SLC10A2: variants seen among roughly 807,000 people sequenced by gnomAD.
SLC10A2 encodes the protein ileal sodium/bile acid cotransporter.
SLC10A2 carries 34 observed loss-of-function variants against 27.1 expected under a neutral mutation model. The ratio of observed to expected loss-of-function variants is 1.26; its 90% CI spans 0.96 to 1.67. SLC10A2 has a LOEUF of 1.67. SLC10A2 is among the 40% of genes most tolerant of loss of function. The pLI is 0.00. For synonymous variants in SLC10A2, 205 were observed against 174.0 expected (o/e 1.18, Z -1.40); for missense variants, 530 against 444.4 (o/e 1.19, Z -1.73).
intron 2 of SLC10A2, among the ~76,000 whole-genome samples, chr13:103,053,400 C>T (rs932464941): frequency 3.9e-5 from 6 of 152,272 alleles, no homozygotes; most frequent in African/African-American, 1.4e-4. Context: ...TTTGCAGTAA[C>T]ATGCTCACCT....
chr13:103,064,484 C>T (rs1428859833), intron 1 of SLC10A2, among the ~76,000 whole-genome samples: 3 of 152,146 alleles, frequency 2.0e-5, no homozygotes, highest in South Asian at 4.2e-4. Flanking sequence ...TGTGGTATTA[C>T]ATTGAGGTAC....
intron 1 of SLC10A2, among the ~76,000 whole-genome samples, chr13:103,065,147 A>G (rs182805938): frequency 6.6e-6 from 1 of 152,220 alleles, no homozygotes; most frequent in African/African-American, 2.4e-5. Context: ...TAGTCACATT[A>G]ATGCTTCATC....
intron 1 of SLC10A2, among the ~76,000 whole-genome samples, chr13:103,063,851 TAA>T (rs1262770454): frequency 6.6e-6 from 1 of 152,104 alleles, no homozygotes; most frequent in East Asian, 1.9e-4. Context: ...AATTGATAAT[TAA>T]GAGAGAATAT....
chr13:103,061,334 C>CT (rs539176016), intron 1 of SLC10A2, among the ~76,000 whole-genome samples: 18 of 150,992 alleles, frequency 1.2e-4, no homozygotes, highest in South Asian at 4.2e-4. Context: ...TCAGTGTTCT[C>CT]TTTTTTTTTA....
intron 2 of SLC10A2, among the ~76,000 whole-genome samples, chr13:103,056,141 C>T (rs1473880902): frequency 6.6e-6 from 1 of 152,190 alleles, no homozygotes; most frequent in Non-Finnish European, 1.5e-5. Context: ...CACCATTGTG[C>T]CATCTGTGAG....
chr13:103,049,922 C>T (rs1875724990), intron 4 of SLC10A2, among the ~76,000 whole-genome samples: 1 of 152,150 alleles, frequency 6.6e-6, no homozygotes, highest in Non-Finnish European at 1.5e-5. Flanking sequence ...GGGAGGATTT[C>T]TTGAGCCCAG....
intron 1 of SLC10A2, among the ~76,000 whole-genome samples, chr13:103,059,108 C>T (rs537451377): frequency 2.6e-5 from 4 of 152,184 alleles, no homozygotes; most frequent in Admixed American, 6.5e-5. Context: ...TCTGTAACCT[C>T]GCCAGCATCT....
intron 1 of SLC10A2, among the ~76,000 whole-genome samples, chr13:103,061,238 T>A (rs1876110333): frequency 6.6e-6 from 1 of 152,226 alleles, no homozygotes. Context: ...ACAAGTTAAT[T>A]TGTTATTAAT....
intron 2 of SLC10A2, among the ~76,000 whole-genome samples, chr13:103,056,077 G>A (rs1875928084): frequency 6.6e-6 from 1 of 152,242 alleles, no homozygotes; most frequent in Non-Finnish European, 1.5e-5. Context: ...CAGTAGCAGG[G>A]ACAAGCTGCA....
In SLC10A2 at chr13:103,046,110, C is replaced by T. The variant is rs776277057; in HGVS notation, c.*23G>A. 18 of 1,612,966 alleles carry T rather than the reference C, an allele frequency of 1.1e-5. No homozygotes were observed. Among genetic ancestry groups the T allele is most frequent in the Non-Finnish European group, 1.4e-5 (17 of 1,179,182 alleles). On this transcript the variant is annotated 3_prime_UTR_variant, in exon 6 of 6. Transcript: ENST00000245312. ...CGGTTTAAGAACGTAATTTGGAACT[C>T]GTCTGTTTTGTCCACTTGATGTCTA...
chr13:103,066,221 T>C lies in SLC10A2; in HGVS notation c.29A>G (p.Asn10Ser). Residue 10 changes from asparagine to serine, a missense_variant, in exon 1 of 6, where the codon AAT becomes AGT. Asn to Ser is a conservative substitution (Grantham distance 46). Coordinates refer to ENST00000245312, the MANE Select transcript of SLC10A2 (RefSeq NM_000452.3). The stretch of plus-strand genomic sequence containing the variant: ...GGATGCACCAGAGCAAACTGTTGCA[T>C]TGTCCACACAGCTGTTCGGATCATT... MNDPNSCVD[N>S]ATVCSGASCV... 1 of 1,613,184 alleles carries C rather than the reference T, an allele frequency of 6.2e-7. No homozygotes were observed. Among genetic ancestry groups the C allele is most frequent in the South Asian group, 1.1e-5 (1 of 91,034 alleles).
At chr13:103,059,885 C>T (rs1876053604) in intron 1 of SLC10A2, among the ~76,000 whole-genome samples, 1 of 152,172 alleles carries the variant, frequency 6.6e-6, no homozygotes, top group African/African-American at 2.4e-5. Context: ...CGGAAGCTGA[C>T]TTAAAAATCA....
intron 1 of SLC10A2, among the ~76,000 whole-genome samples, chr13:103,060,934 A>C: frequency 6.6e-6 from 1 of 152,216 alleles, no homozygotes; most frequent in East Asian, 1.9e-4. Context: ...TAACAATGAG[A>C]AATTTTGTTT....
intron 2 of SLC10A2, 59 bp from the exon 3 acceptor site, chr13:103,052,767 A>G: frequency 9.5e-7 from 1 of 1,048,674 alleles, no homozygotes; most frequent in South Asian, 1.3e-5. Context: ...AAAGAGAAAA[A>G]CAGAAGAACA....
At chr13:103,063,053 C>T (rs1403599644) in intron 1 of SLC10A2, among the ~76,000 whole-genome samples, 3 of 152,154 alleles carry the variant, frequency 2.0e-5, no homozygotes, top group Non-Finnish European at 4.4e-5. Flanking sequence ...TCTCTTCTCC[C>T]TGATGCTTTT....
chr13:103,050,447 C>T (rs1000582070), intron 4 of SLC10A2, among the ~76,000 whole-genome samples: 3 of 152,190 alleles, frequency 2.0e-5, no homozygotes, highest in Non-Finnish European at 2.9e-5. Context: ...ATTGTTTTTG[C>T]CCGGTACCAA....
chr13:103,050,271 G>A (rs577841253), intron 4 of SLC10A2, among the ~76,000 whole-genome samples: 5 of 152,232 alleles, frequency 3.3e-5, no homozygotes, highest in Admixed American at 6.5e-5. Context: ...GAGGTCCCCC[G>A]GGCAGTGTGT....
chr13:103,050,286 G>A (rs546375519), intron 4 of SLC10A2, among the ~76,000 whole-genome samples: 12 of 152,258 alleles, frequency 7.9e-5, no homozygotes, highest in Admixed American at 3.9e-4. Context: ...GTGTGTGGTC[G>A]GATTGGAAGG....
intron 5 of SLC10A2, among the ~76,000 whole-genome samples, chr13:103,048,402 A>AG (rs1875674805): frequency 1.6e-5 from 2 of 123,694 alleles, no homozygotes; most frequent in African/African-American, 7.9e-5. Context: ...AAAAAAAAAG[A>AG]AAAAAAAAGA....
Sources: allele counts gnomAD v4.1 joint callset (sites outside exome capture counted in the v4.1 genomes callset), GRCh38; gene constraint gnomAD v4.1.1; transcripts MANE v1.5; gene names NCBI Gene and HGNC (gene_info 2026-07-23, HGNC 2026-07-21).